The following RAMP3 variants were observed in gnomAD, a reference collection of about 807,000 sequenced individuals.
RAMP3 encodes the protein receptor activity-modifying protein 3.
A neutral mutation model predicts 13.5 loss-of-function variants in RAMP3; 14 were observed. The ratio of observed to expected loss-of-function variants is 1.04; its 90% CI spans 0.69 to 1.63. RAMP3 has a LOEUF of 1.63. Among genes scored for constraint, RAMP3 ranks in the 40% most tolerant of loss-of-function variants. The pLI, the probability that RAMP3 is intolerant of heterozygous loss-of-function variation, is 0.00. For synonymous variants in RAMP3, 106 were observed against 88.3 expected (o/e 1.20, Z -1.12); for missense variants, 200 against 204.8 (o/e 0.98, Z 0.14).
Position 45,183,865 on chromosome 7 carries a change from C to T in RAMP3, c.*453C>T, listed in dbSNP as rs528680223. 9.2e-6 allele frequency: 4 copies of T among 433,090 alleles called. No homozygotes were observed. The highest frequency in any genetic ancestry group is 2.0e-5 in the African/African-American group (1 of 50,606). 26.8% of individuals were successfully genotyped at this position (433,090 alleles called of 1,614,324 possible). On this transcript the variant is annotated 3_prime_UTR_variant, in exon 3 of 3. Transcript: ENST00000242249. ...CCTGGCTCCTGCACCAGCCCCAGCT[C>T]CTGCCTACATCCAGGCAGAAAGATA...
At chr7:45,165,201 T>G (rs1785937118) in intron 1 of RAMP3, among the ~76,000 whole-genome samples, 5 of 152,204 alleles carry the variant, frequency 3.3e-5, no homozygotes, top group Admixed American at 3.3e-4. Context: ...TGTCTTCAGG[T>G]GACATTACAC....
At chr7:45,177,545 C>G (rs1180701634) in intron 2 of RAMP3, 104 bp downstream of exon 2, 7 of 1,522,898 alleles carry the variant, frequency 4.6e-6, no homozygotes, top group Non-Finnish European at 5.4e-6. Flanking sequence ...AAGGCCTCAC[C>G]CATGCCTCAC....
chr7:45,157,809 C>G lies in RAMP3; in HGVS notation c.-20C>G. The G allele has an allele frequency of 6.9e-7, 1 of 1,442,042 alleles. No individual in the cohort carries two copies. The highest frequency in any genetic ancestry group is 9.0e-7 in the Non-Finnish European group (1 of 1,106,890). 89.3% of individuals were successfully genotyped at this position (1,442,042 alleles called of 1,614,324 possible). A position where few individuals can be genotyped will look rare whatever the true frequency, so the allele number is the denominator to read the frequency against. Reference sequence around the variant, plus strand: ...CGCCCCCAGCGGGACCGAGCGTGACCCAGCTGCGGCCGGCCAGCCATGGAG... The same window carrying G: ...CGCCCCCAGCGGGACCGAGCGTGACGCAGCTGCGGCCGGCCAGCCATGGAG... On this transcript the variant is annotated 5_prime_UTR_variant, in exon 1 of 3. Coordinates refer to ENST00000242249, the MANE Select transcript of RAMP3 (RefSeq NM_005856.3).
At chr7:45,183,050 A>C in intron 2 of RAMP3, 107 bp from the exon 3 acceptor site, 1 of 1,484,320 alleles carries the variant, frequency 6.7e-7, no homozygotes, top group Non-Finnish European at 9.1e-7. Flanking sequence ...ATAGGTGGCC[A>C]AATGGGACTG....
chr7:45,160,565 C>T (rs1785846225), intron 1 of RAMP3, among the ~76,000 whole-genome samples: 1 of 152,008 alleles, frequency 6.6e-6, no homozygotes, highest in Non-Finnish European at 1.5e-5. Context: ...CCAAGGTCGA[C>T]TGACCGTGGC....
At chr7:45,173,711 C>G (rs1786123193) in intron 1 of RAMP3, among the ~76,000 whole-genome samples, 2 of 152,140 alleles carry the variant, frequency 1.3e-5, no homozygotes, top group Admixed American at 6.5e-5. Flanking sequence ...TTCCCTGTAG[C>G]CTCTGTAGGC....
chr7:45,166,957 G>A (rs374025613), intron 1 of RAMP3, among the ~76,000 whole-genome samples: 1 of 48,448 alleles, frequency 2.1e-5, no homozygotes, highest in Non-Finnish European at 3.8e-5. Context: ...GGTCTTTGAT[G>A]CTTTTTTTTT....
At position 45,183,995 on chromosome 7, in the gene RAMP3, G is replaced by A. The variant is rs1041805509; in HGVS notation, c.*583G>A. On this transcript the variant is annotated 3_prime_UTR_variant, in exon 3 of 3. Coordinates refer to ENST00000242249, the MANE Select transcript of RAMP3 (RefSeq NM_005856.3). ...AGAAGGGAGGGGCTGGGGGTTCCCAGGAGCCATGCGTGGCCTGCAGAGTCC... is the reference window on the plus strand; with the variant it reads ...AGAAGGGAGGGGCTGGGGGTTCCCAAGAGCCATGCGTGGCCTGCAGAGTCC... 9.6e-6 allele frequency: 4 copies of A among 414,636 alleles called. No homozygotes were observed. Among genetic ancestry groups the A allele is most frequent in the Non-Finnish European group, 1.7e-5 (4 of 234,466 alleles). The allele number at this position is 414,636 out of a possible 1,614,324, so 25.7% of individuals were successfully genotyped here. A position where few individuals can be genotyped will look rare whatever the true frequency, so the allele number is the denominator to read the frequency against.
chr7:45,181,390 C>T (rs552012161), intron 2 of RAMP3, among the ~76,000 whole-genome samples: 16 of 152,180 alleles, frequency 1.1e-4, no homozygotes, highest in South Asian at 6.2e-4. Flanking sequence ...CCTCTTGGGA[C>T]GGTTCTGGGG....
rs1301724107 is a variant in RAMP3 at position 45,183,233 on chromosome 7, C to T, written c.268C>T (p.Gln90Ter). Residue 90 changes from glutamine to a stop codon, truncating the protein, a stop_gained, in exon 3 of 3, where the codon CAG becomes TAG. Transcript: ENST00000242249. LOFTEE classifies it high-confidence loss of function. ...CTGCTACTGGCCCAACCCCCTGGCC[C>T]AGGGCTTCATCACCGGCATCCACAG... ...VGCYWPNPLAQGFITGIHRQF... is the reference protein window; with the variant it reads ...VGCYWPNPLA 5 of 1,613,950 alleles carry T rather than the reference C, an allele frequency of 3.1e-6. No individual in the cohort carries two copies. The highest frequency in any genetic ancestry group is 2.2e-5 in the South Asian group (2 of 91,084).
At chr7:45,164,736 C>T (rs1387027913) in intron 1 of RAMP3, among the ~76,000 whole-genome samples, 1 of 152,056 alleles carries the variant, frequency 6.6e-6, no homozygotes, top group Non-Finnish European at 1.5e-5. Context: ...ATTTTTTGCT[C>T]CAAAACATAC....
chr7:45,182,945 T>C (rs1386270163), intron 2 of RAMP3, among the ~76,000 whole-genome samples: 4 of 152,112 alleles, frequency 2.6e-5, no homozygotes, highest in African/African-American at 9.7e-5. Flanking sequence ...GTCATGGTCA[T>C]TGTGATGCAA....
At chr7:45,176,133 C>A (rs547182022) in intron 1 of RAMP3, among the ~76,000 whole-genome samples, 1 of 152,164 alleles carries the variant, frequency 6.6e-6, no homozygotes, top group South Asian at 2.1e-4. Flanking sequence ...GCCAGCTCAA[C>A]CTCCTTGTGA....
chr7:45,163,415 G>A (rs1785900050), intron 1 of RAMP3: 2 of 985,342 alleles, frequency 2.0e-6, no homozygotes, highest in Admixed American at 1.2e-4. Context: ...GAGAACCTGG[G>A]GTCAGCAGCT....
intron 1 of RAMP3, among the ~76,000 whole-genome samples, chr7:45,167,763 T>G (rs1785998388): frequency 6.6e-6 from 1 of 151,918 alleles, no homozygotes; most frequent in Non-Finnish European, 1.5e-5. Flanking sequence ...ATTTTGTATT[T>G]TTAGTAGAGA....
intron 1 of RAMP3, chr7:45,163,808 T>C: frequency 1.0e-6 from 1 of 985,356 alleles, no homozygotes; most frequent in Non-Finnish European, 1.2e-6. Flanking sequence ...CAGTGGGGCA[T>C]CTGGAGGGTG....
intron 1 of RAMP3, chr7:45,163,919 A>G (rs2128655443): frequency 1.0e-6 from 1 of 982,126 alleles, no homozygotes. Context: ...ATGCTTGCCC[A>G]GGATTCCATG....
intron 1 of RAMP3, among the ~76,000 whole-genome samples, chr7:45,167,760 A>G (rs1188252246): frequency 1.3e-5 from 2 of 151,374 alleles, no homozygotes; most frequent in Non-Finnish European, 1.5e-5. Flanking sequence ...GTAATTTTGT[A>G]TTTTTAGTAG....
rs546019125 is a variant in RAMP3 at position 45,168,727 on chromosome 7, T to C, written c.59-8582T>C. Among the ~76,000 whole-genome samples the C allele has an allele frequency of 7.2e-5, 11 of 152,346 alleles. No individual in the cohort carries two copies. In the East Asian group the frequency reaches 2.1e-3, roughly 29 times the overall value. ...AAAATCGTGTCATCTGTGATAGAGATAGTTTTACTTCTTCCTATCTAACTT... is the reference window on the plus strand; with the variant it reads ...AAAATCGTGTCATCTGTGATAGAGACAGTTTTACTTCTTCCTATCTAACTT... On this transcript the variant is annotated intron_variant, in intron 1 of 2. Coordinates refer to ENST00000242249, the MANE Select transcript of RAMP3 (RefSeq NM_005856.3).
Sources: allele counts gnomAD v4.1 joint callset (sites outside exome capture counted in the v4.1 genomes callset), GRCh38; gene constraint gnomAD v4.1.1; transcripts MANE v1.5; gene names NCBI Gene and HGNC (gene_info 2026-07-23, HGNC 2026-07-21).